The following UBR4 variants were observed in gnomAD, a reference collection of about 807,000 sequenced individuals.
UBR4 encodes ubiquitin protein ligase E3 component n-recognin 4, also known as E3 ubiquitin-protein ligase UBR4.
A neutral mutation model predicts 575.6 loss-of-function variants in UBR4; 124 were observed. That is an observed-to-expected ratio of 0.22 (90% CI 0.19 to 0.25). The LOEUF (loss-of-function observed/expected upper bound fraction) is 0.25, where lower values mean the gene tolerates loss of function less well. UBR4 is among the 10% of genes least tolerant of loss of function. The pLI is 1.00. For missense variants in UBR4, 4,818 were observed against 6,478.8 expected (o/e 0.74, Z 8.80); for synonymous variants, 2,455 against 2,473.7 (o/e 0.99, Z 0.22).
chr1:19,208,594 G>C (rs904619480), intron 1 of UBR4, among the ~76,000 whole-genome samples: 1 of 151,460 alleles, frequency 6.6e-6, no homozygotes, highest in Non-Finnish European at 1.5e-5. Flanking sequence ...TACAACTCTT[G>C]ATTATTTGTA....
At position 19,141,470 on chromosome 1, in the gene UBR4, G is replaced by C; in HGVS notation, c.8365C>G (p.Pro2789Ala). Residue 2789 changes from proline to alanine, a missense_variant, in exon 57 of 106, where the codon CCC (proline) becomes GCC (alanine). Pro to Ala is a conservative substitution (Grantham distance 27, BLOSUM62 -1). Transcript: ENST00000375254. Reference sequence around the variant, plus strand: ...GCGCCTGCCAGCAGGGCCTCCAGGGGAGAGGGGTTGCCATTGTTGACATTT... The same window carrying C: ...GCGCCTGCCAGCAGGGCCTCCAGGGCAGAGGGGTTGCCATTGTTGACATTT... ...AENVNNGNPSPLEALLAGAEG... is the reference protein window; with the variant it reads ...AENVNNGNPSALEALLAGAEG... The C allele has an allele frequency of 6.2e-7, 1 of 1,613,882 alleles. No individual in the cohort carries two copies. The highest frequency in any genetic ancestry group is 8.5e-7 in the Non-Finnish European group (1 of 1,179,846).
At chr1:19,075,751 A>G (rs1035503780) in intron 105 of UBR4, among the ~76,000 whole-genome samples, 1 of 152,256 alleles carries the variant, frequency 6.6e-6, no homozygotes, top group Non-Finnish European at 1.5e-5. Context: ...ATTCACACTG[A>G]GCAACACTCT....
chr1:19,201,854 C>T (rs748190772), intron 1 of UBR4, 39 bp from the exon 2 acceptor site: 12 of 1,578,504 alleles, frequency 7.6e-6, no homozygotes, highest in Admixed American at 1.7e-5. Context: ...ATCTGCTTAG[C>T]GCTTACTATG....
At chr1:19,155,120 G>A (rs1182805458) in intron 43 of UBR4, 45 bp from the exon 44 acceptor site, 2 of 1,608,988 alleles carry the variant, frequency 1.2e-6, no homozygotes, top group Admixed American at 1.7e-5. Flanking sequence ...ATGTTGCCTT[G>A]GCTACCAACT....
intron 49 of UBR4, chr1:19,149,785 C>G (rs779733106): frequency 7.7e-7 from 1 of 1,295,826 alleles, no homozygotes; most frequent in Non-Finnish European, 1.0e-6. Flanking sequence ...GTTAGGGACT[C>G]AGTTTCAGAA....
At position 19,126,659 on chromosome 1, in the gene UBR4, G is replaced by A; in HGVS notation, c.9229-4C>T. 1.2e-6 allele frequency: 2 copies of A among 1,612,734 alleles called. No homozygotes were observed. The highest frequency in any genetic ancestry group is 1.7e-6 in the Non-Finnish European group (2 of 1,179,578). Reference sequence around the variant, plus strand: ...CACTGGAGATGAGGGAAGATGACTGGGAGACAGAGAAAATACAGAGATGGG... The same window carrying A: ...CACTGGAGATGAGGGAAGATGACTGAGAGACAGAGAAAATACAGAGATGGG... On this transcript the variant is annotated splice_region_variant and splice_polypyrimidine_tract_variant and intron_variant, in intron 63 of 105. Transcript: ENST00000375254.
intron 58 of UBR4, among the ~76,000 whole-genome samples, chr1:19,140,152 C>A (rs2083693908): frequency 6.6e-6 from 1 of 151,956 alleles, no homozygotes; most frequent in African/African-American, 2.4e-5. Flanking sequence ...ATAAATCAAC[C>A]CTTAAATTAC....
chr1:19,186,145 A>G (rs958234069), intron 14 of UBR4, among the ~76,000 whole-genome samples: 1 of 152,226 alleles, frequency 6.6e-6, no homozygotes, highest in Non-Finnish European at 1.5e-5. Context: ...TCTCTACTCA[A>G]GCTTCCCTAA....
At chr1:19,143,259 G>GAAGGAAGGAAGA (rs1444831970) in intron 55 of UBR4, among the ~76,000 whole-genome samples, 127 of 91,548 alleles carry the variant, frequency 1.4e-3, no homozygotes, top group African/African-American at 4.4e-3. Context: ...AGGAAGGAAG[G>GAAGGAAGGAAGA]AAGAAAGAAA....
At chr1:19,132,678 A>T (rs1396371684) in intron 60 of UBR4, among the ~76,000 whole-genome samples, 11 of 151,344 alleles carry the variant, frequency 7.3e-5, no homozygotes, top group Admixed American at 4.6e-4. Context: ...CAGACATACA[A>T]CAGAAAAAAA....
intron 62 of UBR4, 133 bp downstream of exon 62, chr1:19,128,078 C>CGCAT (rs2082018975): frequency 1.1e-6 from 1 of 871,274 alleles, no homozygotes; most frequent in African/African-American, 1.7e-5. Flanking sequence ...CTTTTGTTGA[C>CGCAT]TCAACAGAAT....
In UBR4 at chr1:19,089,044, T is replaced by TA. The variant is rs1405689515; in HGVS notation, c.14212-68dup. On this transcript the variant is annotated intron_variant, in intron 97 of 105. Transcript: ENST00000375254. The surrounding 1 kb of genome is among the most constrained non-coding windows in gnomAD (Gnocchi z 4.3). ...TAGACAAACCTTCTTCCCGGGAGCT[T>TA]AAAGGTTTAGAAACTCAACCAGCAT... 4 of 1,532,930 alleles carry TA rather than the reference T, an allele frequency of 2.6e-6. No individual in the cohort carries two copies. Among genetic ancestry groups the TA allele is most frequent in the Non-Finnish European group, 3.6e-6 (4 of 1,124,642 alleles). The allele number at this position is 1,532,930 out of a possible 1,614,324, so 95.0% of individuals were successfully genotyped here.
chr1:19,204,005 C>T (rs562561388), intron 1 of UBR4, among the ~76,000 whole-genome samples: 1 of 151,996 alleles, frequency 6.6e-6, no homozygotes, highest in African/African-American at 2.4e-5. Context: ...CAGCCTTATA[C>T]TTTATTTTTT....
chr1:19,144,170 GTCAC>G (rs2084506229), intron 54 of UBR4, 79 bp from the exon 55 acceptor site: 4 of 1,325,796 alleles, frequency 3.0e-6, no homozygotes, highest in Admixed American at 1.7e-5. Flanking sequence ...TCCTTTCTTG[GTCAC>G]TCACTCACAT....
chr1:19,143,684 G>C (rs1023187919), intron 55 of UBR4, among the ~76,000 whole-genome samples: 5 of 152,200 alleles, frequency 3.3e-5, no homozygotes, highest in Non-Finnish European at 7.4e-5. Flanking sequence ...CCAAATATAA[G>C]ACCCTCGCTT....
intron 78 of UBR4, 29 bp downstream of exon 78, chr1:19,112,495 A>T: frequency 6.3e-7 from 1 of 1,575,846 alleles, no homozygotes; most frequent in Non-Finnish European, 8.6e-7. Flanking sequence ...AGGAACCACT[A>T]GGCCCATAAC....
intron 56 of UBR4, 54 bp downstream of exon 56, chr1:19,141,593 C>G (rs768569453): frequency 2.5e-5 from 40 of 1,606,252 alleles, no homozygotes; most frequent in Non-Finnish European, 3.0e-5. Context: ...TGAATAAGAG[C>G]TAGAGGAGAG....
intron 20 of UBR4, among the ~76,000 whole-genome samples, chr1:19,175,387 T>C (rs1011987614): frequency 6.6e-6 from 1 of 152,136 alleles, no homozygotes; most frequent in African/African-American, 2.4e-5. Context: ...ACAAATTATA[T>C]CATTAGTCTG....
At chr1:19,114,720 G>A (rs2080292647) in intron 75 of UBR4, 91 bp downstream of exon 75, 1 of 1,514,878 alleles carries the variant, frequency 6.6e-7, no homozygotes, top group Non-Finnish European at 8.9e-7. Flanking sequence ...GAAGGCTTAG[G>A]CTAGAAAGTA....
Sources: gnomAD v4.1 joint callset for allele counts (sites outside exome capture counted in the v4.1 genomes callset) on GRCh38, gnomAD v4.1.1 for gene constraint, Gnocchi (gnomAD v3.1) non-coding constraint, MANE v1.5 for transcripts, NCBI Gene and HGNC (gene_info 2026-07-23, HGNC 2026-07-21) for gene names.